Variants in CHODL observed in about 807,000 individuals in gnomAD.
CHODL encodes the protein transmembrane protein MT75.
A neutral mutation model predicts 34.5 loss-of-function variants in CHODL; 29 were observed. The ratio of observed to expected loss-of-function variants is 0.84; its 90% CI spans 0.63 to 1.15. The LOEUF is 1.15. Among genes scored for constraint, CHODL ranks in the 50% most tolerant of loss-of-function variants. The probability of loss-of-function intolerance (pLI) is 0.00; values close to 1 mark genes in which losing one functional copy is unlikely to be tolerated. For synonymous variants in CHODL, 125 were observed against 116.1 expected, an observed-to-expected ratio of 1.08 and a Z score of -0.49; for missense variants, 332 against 332.5, an observed-to-expected ratio of 1.00 and a Z score of 0.01.
At chr21:18,080,662 G>T (rs1346603319) in intron 2 of CHODL, among the ~76,000 whole-genome samples, 2 of 151,876 alleles carry the variant, frequency 1.3e-5, no homozygotes, top group East Asian at 3.9e-4. Context: ...TCTATTTCTG[G>T]GTTCTCCATT....
intron 1 of CHODL, among the ~76,000 whole-genome samples, chr21:17,945,626 C>G (rs1240755799): frequency 6.6e-6 from 1 of 152,006 alleles, no homozygotes. Flanking sequence ...GAAACTAAAC[C>G]TTTCAATCAC....
At chr21:18,234,648 G>A (rs2074012767) in intron 2 of CHODL, among the ~76,000 whole-genome samples, 1 of 152,104 alleles carries the variant, frequency 6.6e-6, no homozygotes, top group Non-Finnish European at 1.5e-5. Context: ...GGTCCCATGA[G>A]GCTGCTGATG....
intron 1 of CHODL, among the ~76,000 whole-genome samples, chr21:18,000,723 T>G (rs1023555499): frequency 3.3e-5 from 5 of 152,206 alleles, no homozygotes; most frequent in African/African-American, 7.2e-5. Context: ...AGGAAGGGCT[T>G]CTTTAGCATC....
chr21:17,942,994 T>C (rs2063377950), intron 1 of CHODL, among the ~76,000 whole-genome samples: 2 of 152,174 alleles, frequency 1.3e-5, no homozygotes, highest in Admixed American at 6.5e-5. Flanking sequence ...TTGCTTCCTC[T>C]TCACTTTTTG....
chr21:18,097,691 C>G (rs1163532036), intron 2 of CHODL, among the ~76,000 whole-genome samples: 1 of 152,004 alleles, frequency 6.6e-6, no homozygotes, highest in Non-Finnish European at 1.5e-5. Context: ...ATACCAATGA[C>G]ATTCTTCACA....
chr21:18,213,691 A>G (rs2073795386), intron 2 of CHODL, among the ~76,000 whole-genome samples: 1 of 152,144 alleles, frequency 6.6e-6, no homozygotes, highest in Non-Finnish European at 1.5e-5. Flanking sequence ...ATCTGATTGA[A>G]TTATGGCTGG....
chr21:18,129,496 G>A (rs1172132876), intron 2 of CHODL, among the ~76,000 whole-genome samples: 1 of 152,174 alleles, frequency 6.6e-6, no homozygotes. Flanking sequence ...TGTGATGCAA[G>A]AGCCGCAGAG....
In CHODL at chr21:18,039,349, G is replaced by A. The variant is rs74423410; in HGVS notation, c.-45+11378G>A. Among the ~76,000 whole-genome samples, 1,129 of 151,776 alleles carry A rather than the reference G, an allele frequency of 7.4e-3. 12 individuals carry two copies. The highest frequency in any genetic ancestry group is 0.026 in the African/African-American group (1,090 of 41,514). On this transcript the variant is annotated intron_variant, in intron 2 of 6. Coordinates refer to the CHODL transcript ENST00000400127. Reference sequence around the variant, plus strand: ...TGTAGCTTTAGTAGTTAGGGGTAGGGATTGTGGTAGGGAGTAAAGGCCTTA... The same window carrying A: ...TGTAGCTTTAGTAGTTAGGGGTAGGAATTGTGGTAGGGAGTAAAGGCCTTA...
At chr21:18,177,983 C>T (rs1601109846) in intron 2 of CHODL, among the ~76,000 whole-genome samples, 1 of 152,146 alleles carries the variant, frequency 6.6e-6, no homozygotes, top group African/African-American at 2.4e-5. Context: ...TGATGTTTCT[C>T]AATATTTTCA....
intron 2 of CHODL, among the ~76,000 whole-genome samples, chr21:18,227,459 G>C (rs1180126956): frequency 1.6e-4 from 25 of 152,132 alleles, no homozygotes; most frequent in East Asian, 1.9e-4. Flanking sequence ...CATATATGTT[G>C]TGTGTAGTGG....
chr21:18,004,997 T>A (rs1204228357), intron 1 of CHODL, among the ~76,000 whole-genome samples: 1 of 152,250 alleles, frequency 6.6e-6, no homozygotes, highest in Admixed American at 6.5e-5. Context: ...TGAATGTAGC[T>A]TTATATACCT....
At chr21:17,953,608 G>A (rs1160086424) in intron 1 of CHODL, among the ~76,000 whole-genome samples, 1 of 152,106 alleles carries the variant, frequency 6.6e-6, no homozygotes, top group African/African-American at 2.4e-5. Flanking sequence ...CAAATGGTAG[G>A]CTAAAACCTG....
At chr21:18,143,069 C>G (rs560939969) in intron 2 of CHODL, among the ~76,000 whole-genome samples, 2 of 152,278 alleles carry the variant, frequency 1.3e-5, no homozygotes, top group East Asian at 3.9e-4. Flanking sequence ...ATCTTCCTTA[C>G]TATATTTGTT....
At chr21:18,034,945 TGA>T (rs759854188) in intron 2 of CHODL, among the ~76,000 whole-genome samples, 33 of 152,002 alleles carry the variant, frequency 2.2e-4, no homozygotes, top group Non-Finnish European at 3.7e-4. Context: ...TCATCTCAGA[TGA>T]GAGAAACAGT....
intron 1 of CHODL, among the ~76,000 whole-genome samples, chr21:17,999,566 T>C (rs2063885124): frequency 6.6e-6 from 1 of 152,134 alleles, no homozygotes; most frequent in Non-Finnish European, 1.5e-5. Flanking sequence ...TGCCTCACAA[T>C]CATGGTGGGA....
intron 2 of CHODL, among the ~76,000 whole-genome samples, chr21:18,200,162 G>A (rs2073635742): frequency 6.6e-6 from 1 of 152,018 alleles, no homozygotes; most frequent in African/African-American, 2.4e-5. Flanking sequence ...TTTGGGCTTA[G>A]TGTTGATTTG....
chr21:18,041,039 G>A (rs2064369114), intron 2 of CHODL, among the ~76,000 whole-genome samples: 2 of 151,870 alleles, frequency 1.3e-5, no homozygotes, highest in South Asian at 4.1e-4. Flanking sequence ...CTTTTATTGT[G>A]ATTATTTCCT....
At chr21:18,185,903 G>T (rs1453169905) in intron 2 of CHODL, among the ~76,000 whole-genome samples, 1 of 152,122 alleles carries the variant, frequency 6.6e-6, no homozygotes, top group Non-Finnish European at 1.5e-5. Flanking sequence ...ATTCATGAGT[G>T]TGTAACCCTA....
rs1176732375 is a variant in CHODL at position 18,232,223 on chromosome 21, AATC to A, written c.-44-24280_-44-24278del. On this transcript the variant is annotated intron_variant, in intron 2 of 6. Transcript: ENST00000400127. ...CTTATTCAAGCAGTAATATTTATAA[AATC>A]ATCATTTTCGATGTGCTAATTATAC... Among the ~76,000 whole-genome samples the A allele has an allele frequency of 1.2e-4, 19 of 152,154 alleles. No individual in the cohort carries two copies. The South Asian group carries it at 2.1e-3, about 17-fold the overall frequency.
Sources: gnomAD v4.1 joint callset for allele counts (sites outside exome capture counted in the v4.1 genomes callset) on GRCh38, gnomAD v4.1.1 for gene constraint, MANE v1.5 for transcripts, NCBI Gene and HGNC (gene_info 2026-07-23, HGNC 2026-07-21) for gene names.